The following YBX1 variants were observed in gnomAD, a reference collection of about 807,000 sequenced individuals.
YBX1 encodes Y-box binding protein 1.
In YBX1, 3 loss-of-function variants were observed where a neutral mutation model predicts 41.4. The observed-to-expected ratio is 0.07, with a 90% CI of 0.03 to 0.19. The LOEUF (loss-of-function observed/expected upper bound fraction) is 0.19, where lower values mean the gene tolerates loss of function less well. Among genes scored for constraint, YBX1 ranks in the 10% least tolerant of loss-of-function variants. The probability of loss-of-function intolerance (pLI) is 1.00; values close to 1 mark genes in which losing one functional copy is unlikely to be tolerated. For missense variants in YBX1, 274 were observed against 462.8 expected, an observed-to-expected ratio of 0.59 and a Z score of 3.74; for synonymous variants, 133 against 165.8, an observed-to-expected ratio of 0.80 and a Z score of 1.52.
In YBX1 at chr1:42,682,740, C is replaced by T. The variant is rs941102726; in HGVS notation, c.166+9C>T. 1.1e-5 allele frequency: 13 copies of T among 1,220,008 alleles called. No individual in the cohort carries two copies. Among genetic ancestry groups the T allele is most frequent in the Non-Finnish European group, 1.3e-5 (13 of 981,958 alleles). The allele number at this position is 1,220,008 out of a possible 1,614,324, so 75.6% of individuals were successfully genotyped here. The stretch of plus-strand genomic sequence containing the variant: ...GGACAAGAAGGTCATCGGTGAGGAC[C>T]GGACAGGGACGGGGGTGGGGCCCTC... On this transcript the variant is annotated intron_variant, in intron 1 of 7. Coordinates refer to ENST00000321358, the MANE Select transcript of YBX1 (RefSeq NM_004559.5).
At chr1:42,683,252 G>T in intron 1 of YBX1, 151 bp from the exon 2 acceptor site, 2 of 892,540 alleles carry the variant, frequency 2.2e-6, no homozygotes, top group South Asian at 1.4e-5. Context: ...CGGCGGCGGC[G>T]ACTGCGTGGC....
rs1046575912 is a variant in YBX1 at position 42,682,419 on chromosome 1, T to C, written c.-147T>C. ...AGGGCTTATCCCGCCTGTCCCGCCA[T>C]TCTCGCTAGTTCGATCGGTAGCGGG... On this transcript the variant is annotated 5_prime_UTR_variant, in exon 1 of 8. Transcript: ENST00000321358. The C allele has an allele frequency of 9.6e-7, 1 of 1,046,662 alleles. No individual in the cohort carries two copies. The highest frequency in any genetic ancestry group is 1.3e-6 in the Non-Finnish European group (1 of 799,592). 64.8% of individuals were successfully genotyped at this position (1,046,662 alleles called of 1,614,324 possible).
Position 42,699,951 on chromosome 1 carries a change from C to T in YBX1, c.741-830C>T, listed in dbSNP as rs536180125. 2.6e-5 allele frequency among the ~76,000 whole-genome samples: 4 copies of T among 152,220 alleles called. No homozygotes were observed. In the East Asian group the frequency reaches 5.8e-4, roughly 22 times the overall value. On this transcript the variant is annotated intron_variant, in intron 6 of 7. Coordinates refer to ENST00000321358, the MANE Select transcript of YBX1 (RefSeq NM_004559.5). ...GTTATTAGAAGCTGTTACACTCGAA[C>T]CTTAGTAATAACTGCAGTAAGAAAA...
At chr1:42,697,768 G>A (rs528603094) in intron 6 of YBX1, among the ~76,000 whole-genome samples, 21 of 152,014 alleles carry the variant, frequency 1.4e-4, no homozygotes, top group Admixed American at 1.2e-3. Context: ...CCAGTCTGTC[G>A]TTAGACAACT....
chr1:42,691,193 A>G (rs1420575374), intron 2 of YBX1, among the ~76,000 whole-genome samples: 2 of 152,214 alleles, frequency 1.3e-5, no homozygotes, highest in Non-Finnish European at 2.9e-5. Context: ...TTCAGTAAAT[A>G]CCTTGAGCTT....
chr1:42,686,966 G>A (rs1650211732), intron 2 of YBX1, among the ~76,000 whole-genome samples: 1 of 152,184 alleles, frequency 6.6e-6, no homozygotes, highest in African/African-American at 2.4e-5. Flanking sequence ...TGTCCACATA[G>A]TTACAGATAA....
At chr1:42,689,319 C>T (rs998785140) in intron 2 of YBX1, among the ~76,000 whole-genome samples, 2 of 152,144 alleles carry the variant, frequency 1.3e-5, no homozygotes, top group African/African-American at 2.4e-5. Context: ...AAATTGGTAT[C>T]TGGTTGCTTT....
At chr1:42,684,621 T>C (rs1324013593) in intron 2 of YBX1, among the ~76,000 whole-genome samples, 5 of 152,234 alleles carry the variant, frequency 3.3e-5, no homozygotes, top group Non-Finnish European at 7.3e-5. Flanking sequence ...TTCTCTACTT[T>C]TGCAATTGTG....
rs150670810 is a variant in YBX1, at chr1:42,703,628, A to C, written c.*1679A>C. ...GGTAGCATCTAAACTGTTACTTACA[A>C]CTGCAGACGCACACAGTCCCTGACT... is the stretch of plus-strand genomic sequence containing the variant. On this transcript the variant is annotated 3_prime_UTR_variant, in exon 8 of 8. Transcript: ENST00000321358. 1.4e-4 allele frequency among the ~76,000 whole-genome samples: 22 copies of C among 152,298 alleles called. 1 individual carries two copies. In the East Asian group the frequency reaches 4.2e-3, roughly 29 times the overall value.
At chr1:42,689,183 G>A (rs759539988) in intron 2 of YBX1, among the ~76,000 whole-genome samples, 2 of 152,196 alleles carry the variant, frequency 1.3e-5, no homozygotes, top group South Asian at 4.1e-4. Flanking sequence ...CAGTTTGTCC[G>A]AAGGCAGAAT....
At position 42,703,501 on chromosome 1, in the gene YBX1, T is replaced by C. The variant is rs200999461; in HGVS notation, c.*1552T>C. On this transcript the variant is annotated 3_prime_UTR_variant, in exon 8 of 8. Coordinates refer to ENST00000321358, the MANE Select transcript of YBX1 (RefSeq NM_004559.5). The stretch of plus-strand genomic sequence containing the variant: ...AAAAAATTTTTTTAACCCTACTTAG[T>C]GTAAATATCTGTACTGCAGAAGTGA... Among the ~76,000 whole-genome samples the C allele has an allele frequency of 2.6e-5, 4 of 152,216 alleles. No individual in the cohort carries two copies. In the East Asian group the frequency reaches 7.7e-4, roughly 29 times the overall value.
intron 6 of YBX1, 150 bp downstream of exon 6, chr1:42,697,412 A>T: frequency 1.4e-6 from 1 of 707,054 alleles, no homozygotes; most frequent in Non-Finnish European, 2.3e-6. Context: ...TATTAAAAAC[A>T]GCTTGTATAG....
chr1:42,697,376 T>G, intron 6 of YBX1, 114 bp downstream of exon 6: 4 of 986,794 alleles, frequency 4.1e-6, no homozygotes, highest in Non-Finnish European at 5.9e-6. Flanking sequence ...CACGTTTTCT[T>G]TCATCAGATG....
intron 5 of YBX1, 117 bp downstream of exon 5, chr1:42,697,061 A>C: frequency 6.9e-7 from 1 of 1,451,654 alleles, no homozygotes; most frequent in Non-Finnish European, 9.2e-7. Context: ...TTAATTTATA[A>C]TGTAGTCACA....
chr1:42,683,333 C>T (rs200887131), intron 1 of YBX1, 70 bp from the exon 2 acceptor site: 391 of 1,594,926 alleles, frequency 2.5e-4, no homozygotes, highest in Non-Finnish European at 2.2e-4. Context: ...GGACCGGATG[C>T]CCAAGCCGGG....
intron 2 of YBX1, among the ~76,000 whole-genome samples, chr1:42,693,163 G>T (rs77582702): frequency 6.6e-6 from 1 of 152,108 alleles, no homozygotes; most frequent in African/African-American, 2.4e-5. Context: ...AGAGGAGGGT[G>T]TGCTAGAACA....
intron 1 of YBX1, chr1:42,683,110 T>G (rs1650090936): frequency 1.7e-6 from 1 of 578,498 alleles, no homozygotes; most frequent in Non-Finnish European, 3.2e-6. Flanking sequence ...GCGCACCGCC[T>G]ACGCAGGCCG....
rs1650657764 is a variant in YBX1 at position 42,703,437 on chromosome 1, A to G, written c.*1488A>G. On this transcript the variant is annotated 3_prime_UTR_variant, in exon 8 of 8. Transcript: ENST00000321358. ...CTGTGGAAGTCATCTCCTGCTTGGG[A>G]CTAACTCTTTGCAGAGGACTTGATA... is the stretch of plus-strand genomic sequence containing the variant. Among the ~76,000 whole-genome samples the G allele has an allele frequency of 2.0e-5, 3 of 151,844 alleles. No homozygotes were observed. The highest frequency in any genetic ancestry group is 4.4e-5 in the Non-Finnish European group (3 of 67,994).
At chr1:42,691,858 A>ATTTTATTT (rs1650346797) in intron 2 of YBX1, among the ~76,000 whole-genome samples, 1 of 150,896 alleles carries the variant, frequency 6.6e-6, no homozygotes, top group Non-Finnish European at 1.5e-5. Flanking sequence ...TTGGAAAAAA[A>ATTTTATTT]TTTTATTTTT....
Sources: allele counts gnomAD v4.1 joint callset (sites outside exome capture counted in the v4.1 genomes callset), GRCh38; gene constraint gnomAD v4.1.1; transcripts MANE v1.5; gene names NCBI Gene and HGNC (gene_info 2026-07-23, HGNC 2026-07-21).